Variants in TMTC1 observed in about 807,000 individuals in gnomAD.
The protein encoded by TMTC1 is protein O-mannosyl-transferase TMTC1.
TMTC1 carries 73 observed loss-of-function variants against 104.8 expected under a neutral mutation model. The ratio of observed to expected loss-of-function variants is 0.70; its 90% CI spans 0.58 to 0.85. The LOEUF is 0.85. TMTC1 is among the 40% of genes least tolerant of loss of function. The pLI, the probability that TMTC1 is intolerant of heterozygous loss-of-function variation, is 0.00. For synonymous variants in TMTC1, 434 were observed against 428.7 expected (o/e 1.01, Z -0.15); for missense variants, 1,035 against 1,096.1 (o/e 0.94, Z 0.79).
chr12:29,674,984 A>AATTTCATT lies in TMTC1; in HGVS notation c.939-41656_939-41649dup, dbSNP rs543591564. Among the ~76,000 whole-genome samples the AATTTCATT allele has an allele frequency of 1.5e-4, 23 of 152,290 alleles. No homozygotes were observed. The South Asian group carries it at 4.8e-3, about 32-fold the overall frequency. ...TAATGTTTCCATTTTCTTTGCAGCCAATTTCATTTTCTCACTGACATATTA... is the reference window on the plus strand; with the variant it reads ...TAATGTTTCCATTTTCTTTGCAGCCAATTTCATTATTTCATTTTCTCACTGACATATTA... On this transcript the variant is annotated intron_variant, in intron 5 of 17. Coordinates refer to ENST00000539277, the MANE Select transcript of TMTC1 (RefSeq NM_001193451.2).
chr12:29,564,577 A>G (rs1257467420), intron 9 of TMTC1, among the ~76,000 whole-genome samples: 2 of 152,176 alleles, frequency 1.3e-5, no homozygotes, highest in Admixed American at 6.6e-5. Context: ...GGTCCATTGG[A>G]ATTATCTGCA....
intron 8 of TMTC1, among the ~76,000 whole-genome samples, chr12:29,579,205 A>C (rs924438283): frequency 2.6e-5 from 4 of 152,216 alleles, no homozygotes; most frequent in African/African-American, 9.6e-5. Flanking sequence ...GTAACATTAG[A>C]ATTTCACTAT....
At chr12:29,689,458 C>A (rs1276414440) in intron 5 of TMTC1, among the ~76,000 whole-genome samples, 1 of 152,004 alleles carries the variant, frequency 6.6e-6, no homozygotes, top group Admixed American at 6.6e-5. Flanking sequence ...GGACTACAGG[C>A]GTGCGCCACC....
In TMTC1 at chr12:29,621,819, C is replaced by G. The variant is rs557766158; in HGVS notation, c.1128+11328G>C. On this transcript the variant is annotated intron_variant, in intron 6 of 17. Coordinates refer to ENST00000539277, the MANE Select transcript of TMTC1 (RefSeq NM_001193451.2). ...GATGAGAACAGGCATGAAGGGAGAT[C>G]CCTGAGATGAGAAGGCCCTCCCTGA... Among the ~76,000 whole-genome samples the G allele has an allele frequency of 2.0e-5, 3 of 152,156 alleles. No individual in the cohort carries two copies. In the South Asian group the frequency reaches 6.2e-4, roughly 32 times the overall value.
chr12:29,675,042 C>G (rs1229495753), intron 5 of TMTC1, among the ~76,000 whole-genome samples: 1 of 152,158 alleles, frequency 6.6e-6, no homozygotes, highest in East Asian at 1.9e-4. Flanking sequence ...GTCACCGGAC[C>G]ATGTGCAAAG....
intron 5 of TMTC1, among the ~76,000 whole-genome samples, chr12:29,703,084 C>T (rs1565780841): frequency 6.7e-6 from 1 of 149,710 alleles, no homozygotes; most frequent in Non-Finnish European, 1.5e-5. Context: ...GCAGAGGTTG[C>T]AGTGAGCCAA....
intron 7 of TMTC1, among the ~76,000 whole-genome samples, chr12:29,584,256 C>T (rs1427243236): frequency 6.6e-6 from 1 of 152,172 alleles, no homozygotes; most frequent in African/African-American, 2.4e-5. Context: ...CTCTAAAAGC[C>T]TTTGGCTTGG....
chr12:29,740,419 A>G (rs1942793941), intron 5 of TMTC1, among the ~76,000 whole-genome samples: 1 of 151,986 alleles, frequency 6.6e-6, no homozygotes, highest in African/African-American at 2.4e-5. Flanking sequence ...AAGAGAGACA[A>G]GCCTAGCCTC....
rs55780225 is a variant in TMTC1 at position 29,599,986 on chromosome 12, G to A, written c.1250+4192C>T. On this transcript the variant is annotated intron_variant, in intron 7 of 17. Transcript: ENST00000539277. ...TATATATATGTGTGTGTGTGTGTGT[G>A]TATATACATATATATATATATATTT... Among the ~76,000 whole-genome samples the A allele has an allele frequency of 9.9e-4, 98 of 99,100 alleles. 2 individuals carry two copies. The East Asian group carries it at 0.017, about 18-fold the overall frequency. 65.0% of individuals were successfully genotyped at this position (99,100 alleles called of 152,430 possible). A position where few individuals can be genotyped will look rare whatever the true frequency, so the allele number is the denominator to read the frequency against.
chr12:29,717,692 T>A (rs1942123290), intron 5 of TMTC1, among the ~76,000 whole-genome samples: 2 of 152,144 alleles, frequency 1.3e-5, no homozygotes, highest in African/African-American at 4.8e-5. Context: ...AGATATGAGG[T>A]CATACTATTC....
intron 1 of TMTC1, among the ~76,000 whole-genome samples, chr12:29,782,107 T>C (rs1943847484): frequency 6.6e-6 from 1 of 152,238 alleles, no homozygotes; most frequent in Non-Finnish European, 1.5e-5. Context: ...GTGAAACATT[T>C]ATATTTGTCC....
At chr12:29,585,159 G>A (rs1408031864) in intron 7 of TMTC1, among the ~76,000 whole-genome samples, 1 of 151,522 alleles carries the variant, frequency 6.6e-6, no homozygotes, top group Non-Finnish European at 1.5e-5. Flanking sequence ...GTATCTCATT[G>A]TGGTTTTGAT....
At chr12:29,613,909 C>A in intron 6 of TMTC1, 1 of 976,664 alleles carries the variant, frequency 1.0e-6, no homozygotes, top group Non-Finnish European at 1.2e-6. Context: ...GTCACACTCA[C>A]CAAAATGCAT....
intron 10 of TMTC1, among the ~76,000 whole-genome samples, chr12:29,546,142 G>T (rs915073318): frequency 1.3e-5 from 2 of 152,142 alleles, no homozygotes; most frequent in African/African-American, 4.8e-5. Flanking sequence ...CCTGGCCCTG[G>T]GCTCTCTCCT....
intron 5 of TMTC1, chr12:29,659,843 A>G (rs1425477531): frequency 6.8e-7 from 1 of 1,461,604 alleles, no homozygotes; most frequent in Non-Finnish European, 9.2e-7. Flanking sequence ...AAATTATCTA[A>G]TAAATACCAA....
At chr12:29,552,797 G>C (rs1945140663) in intron 10 of TMTC1, among the ~76,000 whole-genome samples, 1 of 152,192 alleles carries the variant, frequency 6.6e-6, no homozygotes, top group Non-Finnish European at 1.5e-5. Context: ...ATTTTTTAAA[G>C]TTAACTCAAT....
chr12:29,684,315 A>G (rs1163476674), intron 5 of TMTC1, among the ~76,000 whole-genome samples: 1 of 152,222 alleles, frequency 6.6e-6, no homozygotes, highest in Non-Finnish European at 1.5e-5. Context: ...TTGAACCTCA[A>G]ATGTCTTTGA....
Position 29,503,481 on chromosome 12 carries a change from G to T in TMTC1, c.*3365C>A, listed in dbSNP as rs376453412. The T allele has an allele frequency of 2.0e-5, 3 of 152,190 alleles. No individual in the cohort carries two copies. Among genetic ancestry groups the T allele is most frequent in the African/African-American group, 7.2e-5 (3 of 41,530 alleles). The allele number at this position is 152,190 out of a possible 1,614,324, so 9.4% of individuals were successfully genotyped here. ...GCTTCTACATCAAAGGATACAAAAA[G>T]AAATGGACACTTATCAGGGATTTTG... On this transcript the variant is annotated 3_prime_UTR_variant, in exon 18 of 18. Coordinates refer to ENST00000539277, the MANE Select transcript of TMTC1 (RefSeq NM_001193451.2).
chr12:29,750,789 T>G (rs148603392), intron 5 of TMTC1, among the ~76,000 whole-genome samples: 50 of 152,346 alleles, frequency 3.3e-4, no homozygotes, highest in African/African-American at 1.1e-3. Flanking sequence ...GAAACTCAAC[T>G]CAGTGTAAAT....
Sources: allele counts gnomAD v4.1 joint callset (sites outside exome capture counted in the v4.1 genomes callset), GRCh38; gene constraint gnomAD v4.1.1; transcripts MANE v1.5; gene names NCBI Gene and HGNC (gene_info 2026-07-23, HGNC 2026-07-21).